FOXN3: variants seen among roughly 807,000 people sequenced by gnomAD.
The protein encoded by FOXN3 is forkhead box protein N3.
Under a neutral mutation model 38.4 loss-of-function variants are expected in FOXN3, and 7 were observed. The ratio of observed to expected loss-of-function variants is 0.18; its 90% CI spans 0.10 to 0.34. The LOEUF is 0.34. Among genes scored for constraint, FOXN3 ranks in the 10% least tolerant of loss-of-function variants. The pLI is 1.00. For synonymous variants in FOXN3, 230 were observed against 242.2 expected (o/e 0.95, Z 0.47); for missense variants, 456 against 613.4 (o/e 0.74, Z 2.71).
intron 3 of FOXN3, among the ~76,000 whole-genome samples, chr14:89,300,454 T>A (rs1297890042): frequency 1.3e-5 from 2 of 152,206 alleles, no homozygotes; most frequent in Non-Finnish European, 2.9e-5. Context: ...AGTGATGGGT[T>A]TACAGGCGTG....
intron 4 of FOXN3, among the ~76,000 whole-genome samples, chr14:89,279,024 C>A (rs1366077317): frequency 6.6e-6 from 1 of 151,984 alleles, no homozygotes; most frequent in Non-Finnish European, 1.5e-5. Flanking sequence ...AGGAAGAATA[C>A]CCACATATTC....
intron 4 of FOXN3, among the ~76,000 whole-genome samples, chr14:89,209,292 T>C (rs1246069435): frequency 6.6e-6 from 1 of 152,226 alleles, no homozygotes; most frequent in Non-Finnish European, 1.5e-5. Context: ...ATTAGGAGCT[T>C]CTGCTCCTTT....
intron 1 of FOXN3, among the ~76,000 whole-genome samples, chr14:89,559,039 T>C (rs536833129): frequency 1.3e-5 from 2 of 149,312 alleles, no homozygotes; most frequent in Non-Finnish European, 3.0e-5. Flanking sequence ...AATGTTTTTG[T>C]TTTTTTTTTA....
At chr14:89,337,120 T>A (rs966669145) in intron 3 of FOXN3, among the ~76,000 whole-genome samples, 8 of 152,160 alleles carry the variant, frequency 5.3e-5, no homozygotes, top group African/African-American at 1.9e-4. Context: ...GCCGCCAGAA[T>A]GCCTCCAGAA....
Position 89,431,899 on chromosome 14 carries a change from C to G in FOXN3, c.-14-19409G>C, listed in dbSNP as rs974974175. ...CCAGCTAATTTTTGTATTTTTAGTA[C>G]AGACGGGGTTTCACCATGTTGGTCA... On this transcript the variant is annotated intron_variant, in intron 1 of 6. Coordinates refer to the FOXN3 transcript ENST00000345097. 5.9e-5 allele frequency among the ~76,000 whole-genome samples: 9 copies of G among 151,670 alleles called. No homozygotes were observed. The South Asian group carries it at 6.3e-4, about 11-fold the overall frequency.
chr14:89,603,522 C>T (rs768200277), intron 1 of FOXN3, among the ~76,000 whole-genome samples: 1 of 151,974 alleles, frequency 6.6e-6, no homozygotes, highest in Non-Finnish European at 1.5e-5. Context: ...TGATCTGTAC[C>T]GTAGTTGGCC....
At chr14:89,463,284 G>C (rs1307956806) in intron 1 of FOXN3, among the ~76,000 whole-genome samples, 1 of 143,462 alleles carries the variant, frequency 7.0e-6, no homozygotes, top group Non-Finnish European at 1.5e-5. Context: ...AAAAAAAAAA[G>C]CCACCAGATC....
intron 2 of FOXN3, among the ~76,000 whole-genome samples, chr14:89,364,002 TTCTTCC>T (rs1890049606): frequency 1.5e-5 from 2 of 136,024 alleles, no homozygotes; most frequent in African/African-American, 6.2e-5. Context: ...TATATATATA[TTCTTCC>T]ATATCAAAAT....
rs1419190418 is a variant in FOXN3 at position 89,506,842 on chromosome 14, A to T, written c.-14-94352T>A. ...TGACCTTACCCACAACCCTGTGCTC[A>T]CTGAAACATGTGCTGTGTCCACTCA... On this transcript the variant is annotated intron_variant, in intron 1 of 6. Transcript: ENST00000345097. 5.9e-5 allele frequency among the ~76,000 whole-genome samples: 9 copies of T among 152,290 alleles called. No homozygotes were observed. The East Asian group carries it at 1.5e-3, about 26-fold the overall frequency.
At chr14:89,313,650 T>C (rs1887637594) in intron 3 of FOXN3, among the ~76,000 whole-genome samples, 1 of 149,392 alleles carries the variant, frequency 6.7e-6, no homozygotes, top group Non-Finnish European at 1.5e-5. Flanking sequence ...CAAGTAAAGT[T>C]TGTGTGGGTA....
chr14:89,356,804 G>C (rs922300004), intron 2 of FOXN3, among the ~76,000 whole-genome samples: 1 of 152,076 alleles, frequency 6.6e-6, no homozygotes, highest in African/African-American at 2.4e-5. Context: ...CCTGAAGCTT[G>C]GATTATAGAT....
chr14:89,194,508 T>C (rs183994837), intron 4 of FOXN3, among the ~76,000 whole-genome samples: 10 of 152,234 alleles, frequency 6.6e-5, no homozygotes, highest in Admixed American at 5.2e-4. Context: ...TATGGAAAAG[T>C]GTCCTGGACT....
chr14:89,338,672 T>C (rs1359707166), intron 3 of FOXN3, among the ~76,000 whole-genome samples: 1 of 152,074 alleles, frequency 6.6e-6, no homozygotes, highest in Non-Finnish European at 1.5e-5. Flanking sequence ...TGGGTGCCTG[T>C]AATCCCAGCT....
At chr14:89,178,588 G>A (rs1185903363) in intron 5 of FOXN3, among the ~76,000 whole-genome samples, 1 of 152,236 alleles carries the variant, frequency 6.6e-6, no homozygotes, top group Non-Finnish European at 1.5e-5. Flanking sequence ...GAGGCACTCA[G>A]TGGACTGCAT....
chr14:89,418,002 C>T (rs1175889113), upstream of FOXN3, among the ~76,000 whole-genome samples: 2 of 152,238 alleles, frequency 1.3e-5, no homozygotes, highest in Non-Finnish European at 2.9e-5. Context: ...TGACAATTCG[C>T]AAGCCACCCA....
At chr14:89,511,272 T>C (rs376802841) in intron 1 of FOXN3, among the ~76,000 whole-genome samples, 13,048 of 37,356 alleles carry the variant, frequency 0.35, 5,342 homozygotes, top group Middle Eastern at 0.68. Context: ...TCTTTCTTTC[T>C]TTCTTTCTTT....
chr14:89,549,593 T>C (rs1368324326), intron 1 of FOXN3, among the ~76,000 whole-genome samples: 1 of 151,622 alleles, frequency 6.6e-6, no homozygotes, highest in African/African-American at 2.4e-5. Context: ...CCCCAAATCT[T>C]ATACTAGTCC....
intron 2 of FOXN3, among the ~76,000 whole-genome samples, chr14:89,359,965 T>C (rs192749628): frequency 1.3e-4 from 20 of 152,282 alleles, no homozygotes; most frequent in African/African-American, 3.6e-4. Flanking sequence ...CAAAAGATAC[T>C]TGTAACTTTA....
chr14:89,532,939 T>G lies in FOXN3; in HGVS notation c.-15+86089A>C, dbSNP rs547965793. Among the ~76,000 whole-genome samples, 7 of 152,276 alleles carry G rather than the reference T, an allele frequency of 4.6e-5. No individual in the cohort carries two copies. In the East Asian group the frequency reaches 1.3e-3, roughly 29 times the overall value. On this transcript the variant is annotated intron_variant, in intron 1 of 6. Transcript: ENST00000345097. ...CAAAGACCTGAGAGATACATTAAAC[T>G]GAATCACAAATAGAGAAAGGTAGGA...
Sources: gnomAD v4.1 joint callset for allele counts (sites outside exome capture counted in the v4.1 genomes callset) on GRCh38, gnomAD v4.1.1 for gene constraint, MANE v1.5 for transcripts, NCBI Gene and HGNC (gene_info 2026-07-23, HGNC 2026-07-21) for gene names.